GRIP1: variants seen among roughly 807,000 people sequenced by gnomAD.
GRIP1 encodes the protein glutamate receptor interacting protein 1.
GRIP1 carries 45 observed loss-of-function variants against 129.9 expected under a neutral mutation model. The ratio of observed to expected loss-of-function variants is 0.35; its 90% CI spans 0.27 to 0.44. GRIP1 has a LOEUF of 0.44. GRIP1 is among the 20% of genes least tolerant of loss of function. The pLI is 1.00. For missense variants in GRIP1, 1,196 were observed against 1,396.8 expected (o/e 0.86, Z 2.29); for synonymous variants, 530 against 520.8 (o/e 1.02, Z -0.24).
At chr12:66,993,955 T>A (rs7963009) in intron 1 of GRIP1, among the ~76,000 whole-genome samples, 44,838 of 151,848 alleles carry the variant, frequency 0.3, 7,812 homozygotes, top group Non-Finnish European at 0.38. Context: ...CCAAAACTGA[T>A]CCAAGAAGAA....
chr12:66,382,260 C>T (rs1162777675), intron 19 of GRIP1, among the ~76,000 whole-genome samples: 6 of 152,110 alleles, frequency 3.9e-5, no homozygotes, highest in Non-Finnish European at 8.8e-5. Flanking sequence ...CATGGTTATG[C>T]ATATCTGTAA....
chr12:66,420,870 A>C, intron 14 of GRIP1, 81 bp from the exon 15 acceptor site: 1 of 824,666 alleles, frequency 1.2e-6, no homozygotes, highest in Non-Finnish European at 2.1e-6. Context: ...TTTTATAATA[A>C]CTTAATGCAA....
chr12:66,809,487 G>A (rs1270452915), intron 1 of GRIP1, among the ~76,000 whole-genome samples: 4 of 152,056 alleles, frequency 2.6e-5, no homozygotes, highest in African/African-American at 9.7e-5. Flanking sequence ...GAGATACCCT[G>A]ACCTACTGAG....
intron 1 of GRIP1, among the ~76,000 whole-genome samples, chr12:66,831,108 C>T (rs1169821649): frequency 6.6e-6 from 1 of 152,090 alleles, no homozygotes; most frequent in Admixed American, 6.6e-5. Flanking sequence ...CTCGCCTCGG[C>T]CTCCCAAAGT....
intron 1 of GRIP1, among the ~76,000 whole-genome samples, chr12:66,703,216 C>T (rs2136361629): frequency 6.6e-6 from 1 of 152,204 alleles, no homozygotes; most frequent in African/African-American, 2.4e-5. Flanking sequence ...AGTTTGCTTG[C>T]AGTGTATGTG....
At chr12:66,894,008 C>G (rs1035082441) in intron 1 of GRIP1, among the ~76,000 whole-genome samples, 1 of 152,154 alleles carries the variant, frequency 6.6e-6, no homozygotes, top group African/African-American at 2.4e-5. Context: ...TTCTACTCCT[C>G]TCACCAGCCA....
In GRIP1 at chr12:66,371,822, G is replaced by C. The variant is rs1246178534; in HGVS notation, c.2884C>G (p.Pro962Ala). 6.2e-7 allele frequency: 1 copy of C among 1,613,954 alleles called. No individual in the cohort carries two copies. The highest frequency in any genetic ancestry group is 1.3e-5 in the African/African-American group (1 of 75,036). ...ASFQERSSSR[P>A]HYSQTTRSNT... ...CTCCGAGTTGTTTGGCTGTAGTGCG[G>C]CCGCGAGCTGCTGCGCTCCTGGAAG... The change falls in exon 23 of 25, where the codon CCG becomes GCG. Residue 962 changes from proline to alanine, a missense_variant. Pro to Ala is a conservative substitution (Grantham distance 27). Transcript: ENST00000359742.
At chr12:66,591,544 G>A (rs138836227) in intron 2 of GRIP1, among the ~76,000 whole-genome samples, 1 of 152,236 alleles carries the variant, frequency 6.6e-6, no homozygotes, top group African/African-American at 2.4e-5. Context: ...GGCAGCAACC[G>A]TGTACTTTGT....
At chr12:66,696,798 C>T (rs1221428904) in intron 1 of GRIP1, among the ~76,000 whole-genome samples, 1 of 115,070 alleles carries the variant, frequency 8.7e-6, no homozygotes, top group Non-Finnish European at 1.7e-5. Context: ...GAGCAAGACT[C>T]TGTCTCAAAA....
chr12:66,732,140 T>C (rs1330271947), intron 1 of GRIP1, among the ~76,000 whole-genome samples: 1 of 152,144 alleles, frequency 6.6e-6, no homozygotes, highest in Non-Finnish European at 1.5e-5. Context: ...CCTGCTCCTC[T>C]TGCCTCCCCT....
In GRIP1 at chr12:66,628,353, A is replaced by C. The variant is rs146614865; in HGVS notation, c.56-31426T>G. Among the ~76,000 whole-genome samples, 118 of 152,246 alleles carry C rather than the reference A, an allele frequency of 7.8e-4. 3 individuals are homozygous for C. The East Asian group carries it at 0.016, about 21-fold the overall frequency. On this transcript the variant is annotated intron_variant, in intron 1 of 24. Coordinates refer to ENST00000359742, the MANE Select transcript of GRIP1 (RefSeq NM_001366722.1). ...GTGTACCTAGGCCTCCAGTGAAAGC[A>C]GGGGTCTGAACAGGACCCTAACACT...
At chr12:67,008,333 G>A (rs534068688) in intron 1 of GRIP1, among the ~76,000 whole-genome samples, 137 of 152,212 alleles carry the variant, frequency 9.0e-4, no homozygotes, top group African/African-American at 3.2e-3. Flanking sequence ...TGTGGAGTTT[G>A]GATAAGCAAG....
At chr12:66,844,985 TA>T (rs892671719) in intron 1 of GRIP1, among the ~76,000 whole-genome samples, 21 of 152,240 alleles carry the variant, frequency 1.4e-4, no homozygotes, top group African/African-American at 4.6e-4. Flanking sequence ...AGTTAGCGCT[TA>T]ATGGACATCG....
At chr12:66,779,306 T>C (rs904512785) in intron 1 of GRIP1, among the ~76,000 whole-genome samples, 2 of 152,164 alleles carry the variant, frequency 1.3e-5, no homozygotes, top group African/African-American at 2.4e-5. Context: ...TGTAATGTAG[T>C]GTAGCATTTA....
chr12:67,004,375 A>G (rs747028477), intron 1 of GRIP1, among the ~76,000 whole-genome samples: 1 of 152,210 alleles, frequency 6.6e-6, no homozygotes, highest in Non-Finnish European at 1.5e-5. Context: ...AGAACTTGGT[A>G]GGTGAAGGAT....
chr12:66,626,417 A>G (rs2030055555), intron 1 of GRIP1, among the ~76,000 whole-genome samples: 1 of 152,110 alleles, frequency 6.6e-6, no homozygotes, highest in Admixed American at 6.6e-5. Flanking sequence ...AAATCAATAT[A>G]TTTATAACTA....
intron 7 of GRIP1, among the ~76,000 whole-genome samples, chr12:66,477,349 C>G (rs2059649188): frequency 6.6e-6 from 1 of 151,832 alleles, no homozygotes; most frequent in Non-Finnish European, 1.5e-5. Flanking sequence ...TCAAGGAGAA[C>G]TACAAACCAC....
intron 5 of GRIP1, among the ~76,000 whole-genome samples, chr12:66,521,949 G>C (rs2061025608): frequency 6.6e-6 from 1 of 152,204 alleles, no homozygotes. Flanking sequence ...CAGTGAGGCT[G>C]GGGGAGGGTG....
rs552441220 is a variant in GRIP1 at position 66,507,430 on chromosome 12, T to C, written c.724+8189A>G. On this transcript the variant is annotated intron_variant, in intron 7 of 24. Coordinates refer to ENST00000359742, the MANE Select transcript of GRIP1 (RefSeq NM_001366722.1). ...TCCAGCCTGGGTGAAAGAGCGAGAC[T>C]CCATTTCAAAAAAAGAAAAAAAAAA... 4.3e-5 allele frequency among the ~76,000 whole-genome samples: 6 copies of C among 139,408 alleles called. No individual in the cohort carries two copies. In the South Asian group the frequency reaches 1.4e-3, roughly 32 times the overall value. 91.5% of individuals were successfully genotyped at this position (139,408 alleles called of 152,430 possible).
Sources: allele counts gnomAD v4.1 joint callset (sites outside exome capture counted in the v4.1 genomes callset), GRCh38; gene constraint gnomAD v4.1.1; transcripts MANE v1.5; gene names NCBI Gene and HGNC (gene_info 2026-07-23, HGNC 2026-07-21).